FMN2: variants seen among roughly 807,000 people sequenced by gnomAD.
FMN2 encodes formin 2.
FMN2 carries 51 observed loss-of-function variants against 142.3 expected under a neutral mutation model. That is an observed-to-expected ratio of 0.36 (90% confidence interval 0.29 to 0.45). The LOEUF is 0.45. Ranked by LOEUF, FMN2 falls within the 20% of genes least tolerant of loss-of-function variation. FMN2 has a pLI of 1.00. For synonymous variants in FMN2, 882 were observed against 869.8 expected (o/e 1.01, Z -0.25); for missense variants, 1,936 against 2,122.8 (o/e 0.91, Z 1.73).
chr1:240,254,218 G>A (rs1002949622), intron 6 of FMN2, among the ~76,000 whole-genome samples: 1 of 152,138 alleles, frequency 6.6e-6, no homozygotes, highest in African/African-American at 2.4e-5. Context: ...GCTCCCAAGT[G>A]GTTTGCGCTG....
chr1:240,431,565 A>C lies in FMN2; in HGVS notation c.4911-6496A>C, dbSNP rs371255741. On this transcript the variant is annotated intron_variant, in intron 15 of 17. Transcript: ENST00000319653. ...GTTTTATTTCTGAACTAAAAAGAAAATATCAAATACCATTGCGTATGTTAA... is the reference window on the plus strand; with the variant it reads ...GTTTTATTTCTGAACTAAAAAGAAACTATCAAATACCATTGCGTATGTTAA... 4.6e-5 allele frequency among the ~76,000 whole-genome samples: 7 copies of C among 151,472 alleles called. No individual in the cohort carries two copies. In the East Asian group the frequency reaches 1.2e-3, roughly 25 times the overall value.
chr1:240,112,710 G>C (rs1193483551), intron 1 of FMN2, among the ~76,000 whole-genome samples: 1 of 152,164 alleles, frequency 6.6e-6, no homozygotes, highest in Non-Finnish European at 1.5e-5. Flanking sequence ...GCACCTGCTG[G>C]GGGTGTGTTC....
At chr1:240,171,325 C>A in intron 2 of FMN2, 1 of 677,824 alleles carries the variant, frequency 1.5e-6, no homozygotes, top group Admixed American at 2.1e-5. Context: ...TCCATCCTGT[C>A]GTGATGTGAT....
rs904177394 is a variant in FMN2 at position 240,348,465 on chromosome 1, C to T, written c.4766-7351C>T. On this transcript the variant is annotated intron_variant, in intron 13 of 17. Coordinates refer to ENST00000319653, the MANE Select transcript of FMN2 (RefSeq NM_020066.5). ...CTCGAACTCCTGACCTCAGGTTATC[C>T]GCCCACCTTGGCCTCCCAAAGTTCT... Among the ~76,000 whole-genome samples, 4 of 151,750 alleles carry T rather than the reference C, an allele frequency of 2.6e-5. 1 individual carries two copies. The highest frequency in any genetic ancestry group is 6.6e-5 in the Admixed American group (1 of 15,196).
chr1:240,140,680 GTC>G (rs984242982), intron 2 of FMN2, among the ~76,000 whole-genome samples: 1 of 152,112 alleles, frequency 6.6e-6, no homozygotes, highest in African/African-American at 2.4e-5. Flanking sequence ...TGGGTGGGAA[GTC>G]TCTTCCATTT....
chr1:240,272,675 A>G (rs879600988), intron 7 of FMN2, among the ~76,000 whole-genome samples: 7 of 152,134 alleles, frequency 4.6e-5, no homozygotes, highest in Non-Finnish European at 8.8e-5. Context: ...TGTGAGGTAT[A>G]TTCTACAAAT....
intron 6 of FMN2, among the ~76,000 whole-genome samples, chr1:240,254,375 C>T (rs1668381438): frequency 6.6e-6 from 1 of 151,822 alleles, no homozygotes; most frequent in African/African-American, 2.4e-5. Context: ...AGAAGGAGTG[C>T]TCAGGTGTCA....
intron 13 of FMN2, among the ~76,000 whole-genome samples, chr1:240,335,868 G>C (rs558197304): frequency 6.6e-6 from 1 of 152,120 alleles, no homozygotes; most frequent in Non-Finnish European, 1.5e-5. Context: ...AGCCGGCCAG[G>C]CATGGTGGCT....
chr1:240,374,017 C>CA (rs369912859), intron 14 of FMN2, among the ~76,000 whole-genome samples: 34 of 152,264 alleles, frequency 2.2e-4, no homozygotes, highest in African/African-American at 8.2e-4. Context: ...GGCATGAAAG[C>CA]AAAATGAATC....
chr1:240,418,444 C>T (rs1246356998), intron 15 of FMN2, among the ~76,000 whole-genome samples: 3 of 152,148 alleles, frequency 2.0e-5, no homozygotes, highest in African/African-American at 7.2e-5. Flanking sequence ...ATCCCCTCAC[C>T]TCAGCCTCCC....
intron 14 of FMN2, among the ~76,000 whole-genome samples, chr1:240,371,836 A>G (rs552354465): frequency 6.6e-6 from 1 of 152,310 alleles, no homozygotes; most frequent in East Asian, 1.9e-4. Flanking sequence ...GATAAGCAAC[A>G]CTTGTGAGAC....
chr1:240,175,785 C>T (rs1486437505), intron 2 of FMN2, among the ~76,000 whole-genome samples: 1 of 152,056 alleles, frequency 6.6e-6, no homozygotes, highest in East Asian at 1.9e-4. Context: ...TTTTGATTTG[C>T]GTTTCCATAA....
chr1:240,218,591 G>T (rs1165945690), intron 6 of FMN2, among the ~76,000 whole-genome samples: 1 of 152,022 alleles, frequency 6.6e-6, no homozygotes, highest in African/African-American at 2.4e-5. Context: ...TTTCTATCTG[G>T]AGCAGATGAT....
chr1:240,415,226 T>C (rs1191142845), intron 15 of FMN2, among the ~76,000 whole-genome samples: 1 of 152,192 alleles, frequency 6.6e-6, no homozygotes, highest in African/African-American at 2.4e-5. Flanking sequence ...TGATTTCATG[T>C]CCTTTGCAGG....
chr1:240,328,942 A>G (rs948416742), intron 8 of FMN2, 134 bp from the exon 9 acceptor site: 2 of 772,116 alleles, frequency 2.6e-6, no homozygotes, highest in African/African-American at 3.5e-5. Context: ...TACTATATAC[A>G]GATGCTAAGA....
At chr1:240,302,201 CT>C (rs1670225090) in intron 8 of FMN2, among the ~76,000 whole-genome samples, 1 of 151,804 alleles carries the variant, frequency 6.6e-6, no homozygotes, top group Admixed American at 6.6e-5. Context: ...ATTAATAGTT[CT>C]TTTTTTGAGA....
At chr1:240,168,432 AAAAC>A (rs1195093482) in intron 2 of FMN2, among the ~76,000 whole-genome samples, 1 of 152,036 alleles carries the variant, frequency 6.6e-6, no homozygotes, top group Non-Finnish European at 1.5e-5. Context: ...CCAAAAAACA[AAAAC>A]AAAAAAGCTA....
intron 3 of FMN2, among the ~76,000 whole-genome samples, chr1:240,184,324 C>T (rs1260259433): frequency 2.1e-5 from 3 of 144,290 alleles, no homozygotes; most frequent in Non-Finnish European, 4.5e-5. Flanking sequence ...GCAAGCTCCG[C>T]CTCCCGGGTT....
intron 4 of FMN2, among the ~76,000 whole-genome samples, chr1:240,198,245 A>AC (rs1665989087): frequency 6.6e-6 from 1 of 152,218 alleles, no homozygotes; most frequent in African/African-American, 2.4e-5. Flanking sequence ...AGCAGGAACC[A>AC]AAAAGGCTGG....
Sources: allele counts gnomAD v4.1 joint callset (sites outside exome capture counted in the v4.1 genomes callset), GRCh38; gene constraint gnomAD v4.1.1; transcripts MANE v1.5; gene names NCBI Gene and HGNC (gene_info 2026-07-23, HGNC 2026-07-21).